EPHA2: variants seen among roughly 807,000 people sequenced by gnomAD.
The protein encoded by EPHA2 is EPH receptor A2.
A neutral mutation model predicts 104.9 loss-of-function variants in EPHA2; 54 were observed. That is an observed-to-expected ratio of 0.51 (90% confidence interval 0.41 to 0.65). The LOEUF is 0.65. Ranked by LOEUF, EPHA2 falls within the 30% of genes least tolerant of loss-of-function variation. EPHA2 has a pLI of 0.00. For missense variants in EPHA2, 1,117 were observed against 1,369.5 expected (o/e 0.82, Z 2.91); for synonymous variants, 560 against 559.1 (o/e 1.00, Z -0.02).
At chr1:16,153,704 T>C (rs890090095) in intron 1 of EPHA2, among the ~76,000 whole-genome samples, 8 of 152,168 alleles carry the variant, frequency 5.3e-5, no homozygotes, top group African/African-American at 1.9e-4. Flanking sequence ...TGGCTGTTGA[T>C]GACCTAACAG....
intron 3 of EPHA2, among the ~76,000 whole-genome samples, chr1:16,143,276 G>A (rs2024863506): frequency 6.6e-6 from 1 of 152,022 alleles, no homozygotes; most frequent in Non-Finnish European, 1.5e-5. Flanking sequence ...GGAAGAGTGA[G>A]TGGGAGAGAG....
At chr1:16,136,696 GA>G (rs1553135560) in intron 5 of EPHA2, among the ~76,000 whole-genome samples, 3 of 91,700 alleles carry the variant, frequency 3.3e-5, no homozygotes, top group African/African-American at 2.9e-4. Flanking sequence ...AGAAGAGGAA[GA>G]AGAAGAAGAA....
chr1:16,148,826 C>A lies in EPHA2; in HGVS notation c.375G>T (p.Glu125Asp), dbSNP rs1289019071. Reference protein sequence around the residue: ...CKETFNLYYAESDLDYGTNFQ... With the variant: ...CKETFNLYYADSDLDYGTNFQ... ...AGTTGGTGCCGTAGTCCAGGTCCGA[C>A]TCGGCATAGTAGAGGTTGAAAGTCT... Residue 125 changes from glutamate (E) to aspartate (D), a missense_variant, in exon 3 of 17, where the codon GAG (glutamate) becomes GAT (aspartate). Physicochemically the swap from Glu to Asp is conservative, Grantham distance 45. Transcript: ENST00000358432. The surrounding 1 kb of genome is among the most constrained non-coding windows in gnomAD (Gnocchi z 4.9). 1 of 1,614,042 alleles carries A rather than the reference C, an allele frequency of 6.2e-7. No individual in the cohort carries two copies. The highest frequency in any genetic ancestry group is 8.5e-7 in the Non-Finnish European group (1 of 1,180,056).
chr1:16,147,935 G>A (rs551831967), intron 3 of EPHA2, among the ~76,000 whole-genome samples: 6 of 150,972 alleles, frequency 4.0e-5, no homozygotes, highest in Non-Finnish European at 7.4e-5. Context: ...ACAGTGGTGC[G>A]ATCTCAGCTT....
Position 16,138,173 on chromosome 1 carries a change from G to A in EPHA2, c.992C>T (p.Ala331Val), listed in dbSNP as rs2124227896. The stretch of plus-strand genomic sequence containing the variant: ...GCCCACGGCTGTGAGGTAGTGTGGG[G>A]CGGAGGGGGGTCCTGCACAGACAGG... ...ASMPCTRPPS[A>V]PHYLTAVGMG... Residue 331 changes from alanine to valine, a missense_variant, in exon 5 of 17, where the codon GCC (alanine) becomes GTC (valine). Coordinates refer to ENST00000358432, the MANE Select transcript of EPHA2 (RefSeq NM_004431.5). 6.2e-7 allele frequency: 1 copy of A among 1,609,350 alleles called. No individual in the cohort carries two copies. Among genetic ancestry groups the A allele is most frequent in the Non-Finnish European group, 8.5e-7 (1 of 1,179,878 alleles).
In EPHA2 at chr1:16,133,880, T is replaced by A; in HGVS notation, c.1718A>T (p.Asp573Val). 1 of 1,550,344 alleles carries A rather than the reference T, an allele frequency of 6.5e-7. No homozygotes were observed. The highest frequency in any genetic ancestry group is 8.7e-7 in the Non-Finnish European group (1 of 1,146,256). Residue 573 changes from aspartate to valine, a missense_variant, in exon 9 of 17, where the codon GAC (aspartate) becomes GTC (valine). By Grantham distance (152) the Asp-to-Val change is radical. Coordinates refer to ENST00000358432, the MANE Select transcript of EPHA2 (RefSeq NM_004431.5). Reference sequence around the variant, plus strand: ...CTCACCTGACTTGGAGAAGTAAACGTCCTCCGGGGACTGGCGGGCACGCTG... The same window carrying A: ...CTCACCTGACTTGGAGAAGTAAACGACCTCCGGGGACTGGCGGGCACGCTG... ...KNQRARQSPE[D>V]VYFSKSEQLK...
intron 5 of EPHA2, 125 bp downstream of exon 5, chr1:16,137,728 C>A: frequency 8.6e-7 from 1 of 1,169,398 alleles, no homozygotes; most frequent in Non-Finnish European, 1.2e-6. Flanking sequence ...TTGCTCTAGA[C>A]ACTGTGCCTT....
chr1:16,135,017 C>T lies in EPHA2; in HGVS notation c.1582+19G>A, dbSNP rs2024653881. On this transcript the variant is annotated intron_variant, in intron 7 of 16. Coordinates refer to ENST00000358432, the MANE Select transcript of EPHA2 (RefSeq NM_004431.5). This position sits in a 1 kb window ranked among gnomAD's most constrained non-coding sequence, Gnocchi z 4.3. ...TTCTGGGCCCTGGCCTGGTCCATGC[C>T]CAGGGTCCCCCAACTCACACAGCGT... is the stretch of plus-strand genomic sequence containing the variant. 9.9e-6 allele frequency: 16 copies of T among 1,610,592 alleles called. No homozygotes were observed. Among genetic ancestry groups the T allele is most frequent in the Non-Finnish European group, 1.2e-5 (14 of 1,179,990 alleles).
At position 16,130,631 on chromosome 1, in the gene EPHA2, C is replaced by CTT. The variant is rs112874800; in HGVS notation, c.2476-214_2476-213dup. ...TGTGTCCAGAGTTCACTGGAAGGGACTTTTTTTTTTTTGACTGAGACAGGG... is the reference window on the plus strand; with the variant it reads ...TGTGTCCAGAGTTCACTGGAAGGGACTTTTTTTTTTTTTTGACTGAGACAGGG... On this transcript the variant is annotated intron_variant, in intron 14 of 16. Coordinates refer to ENST00000358432, the MANE Select transcript of EPHA2 (RefSeq NM_004431.5). The surrounding 1 kb of genome is among the most constrained non-coding windows in gnomAD (Gnocchi z 4.5). 6.9e-6 allele frequency among the ~76,000 whole-genome samples: 1 copy of CTT among 145,286 alleles called. No individual in the cohort carries two copies. The highest frequency in any genetic ancestry group is 2.5e-5 in the African/African-American group (1 of 39,726).
Position 16,135,309 on chromosome 1 carries a change from C to G in EPHA2, c.1429-120G>C. On this transcript the variant is annotated intron_variant, in intron 6 of 16. Coordinates refer to ENST00000358432, the MANE Select transcript of EPHA2 (RefSeq NM_004431.5). The surrounding 1 kb of genome is among the most constrained non-coding windows in gnomAD (Gnocchi z 4.3). ...CTTGCCTTTGTTAGCAAACTTGAGG[C>G]TCTTCTTACAGAGGAGGAAACTGAG... 1 of 1,335,640 alleles carries G rather than the reference C, an allele frequency of 7.5e-7. No individual in the cohort carries two copies. Among genetic ancestry groups the G allele is most frequent in the Admixed American group, 1.8e-5 (1 of 56,680 alleles). The allele number at this position is 1,335,640 out of a possible 1,614,324, so 82.7% of individuals were successfully genotyped here. A position where few individuals can be genotyped will look rare whatever the true frequency, so the allele number is the denominator to read the frequency against.
At chr1:16,152,279 T>C (rs1314047820) in intron 1 of EPHA2, among the ~76,000 whole-genome samples, 1 of 152,152 alleles carries the variant, frequency 6.6e-6, no homozygotes, top group East Asian at 1.9e-4. Flanking sequence ...TTTGTGGAGA[T>C]GGGAGCTGGG....
intron 2 of EPHA2, among the ~76,000 whole-genome samples, chr1:16,149,944 G>A (rs188027367): frequency 2.0e-4 from 31 of 152,332 alleles, no homozygotes; most frequent in Admixed American, 2.0e-3. Context: ...GAGGACAGAG[G>A]CCCGGGCTAT....
At chr1:16,126,105 G>A (rs1570391466) in intron 16 of EPHA2, among the ~76,000 whole-genome samples, 1 of 152,120 alleles carries the variant, frequency 6.6e-6, no homozygotes, top group Admixed American at 6.5e-5. Flanking sequence ...ACCAGCAGCC[G>A]AGGGGGAAGG....
At chr1:16,137,754 C>T (rs1165006116) in intron 5 of EPHA2, 99 bp downstream of exon 5, 3 of 1,437,334 alleles carry the variant, frequency 2.1e-6, no homozygotes, top group East Asian at 4.7e-5. Context: ...ACTTGCTCTG[C>T]TGCCTCTCTC....
rs745933990 is a variant in EPHA2 at position 16,129,499 on chromosome 1, C to T, written c.2760G>A (p.Gln920=). 1 of 1,613,920 alleles carries T rather than the reference C, an allele frequency of 6.2e-7. No individual in the cohort carries two copies. Among genetic ancestry groups the T allele is most frequent in the Non-Finnish European group, 8.5e-7 (1 of 1,180,024 alleles). The change falls in exon 16 of 17, where the codon CAG becomes CAA. Residue 920 remains glutamine, a synonymous_variant. Transcript: ENST00000358432. ...CGGCCGCCATGAAGTGCTCCGTATA[C>T]TGCTGCATCTTGATGGACTCCAGCC... is the stretch of plus-strand genomic sequence containing the variant. ...SEWLESIKMQ[Q]YTEHFMAAGY...
In EPHA2 at chr1:16,128,931, G is replaced by A. The variant is rs938827710; in HGVS notation, c.2825+503C>T. On this transcript the variant is annotated intron_variant, in intron 16 of 16. Coordinates refer to ENST00000358432, the MANE Select transcript of EPHA2 (RefSeq NM_004431.5). The surrounding 1 kb of genome is among the most constrained non-coding windows in gnomAD (Gnocchi z 4.7). ...CTGGCTGTGTGACCTCAGGCAAGCC[G>A]GTAACATCTCAGCCTGTTTCTCTAC... Among the ~76,000 whole-genome samples the A allele has an allele frequency of 4.6e-5, 7 of 151,924 alleles. No individual in the cohort carries two copies. Among genetic ancestry groups the A allele is most frequent in the African/African-American group, 9.7e-5 (4 of 41,360 alleles).
Position 16,129,737 on chromosome 1 carries a change from G to A in EPHA2, c.2670-148C>T, listed in dbSNP as rs2024539602. ...GCAACAGGGAAGCCCAGTCAAGTAG[G>A]GTTCAATGAGACCTCCTGGCACGTT... On this transcript the variant is annotated intron_variant, in intron 15 of 16. Coordinates refer to ENST00000358432, the MANE Select transcript of EPHA2 (RefSeq NM_004431.5). 2.8e-6 allele frequency: 3 copies of A among 1,074,836 alleles called. 1 individual carries two copies. The East Asian group carries it at 7.9e-5, about 28-fold the overall frequency. The allele number at this position is 1,074,836 out of a possible 1,614,324, so 66.6% of individuals were successfully genotyped here. A position where few individuals can be genotyped will look rare whatever the true frequency, so the allele number is the denominator to read the frequency against.
chr1:16,152,764 T>A (rs972640090), intron 1 of EPHA2, among the ~76,000 whole-genome samples: 1 of 152,166 alleles, frequency 6.6e-6, no homozygotes, highest in African/African-American at 2.4e-5. Context: ...TAACCTGGCA[T>A]GGAGGGCCCT....
chr1:16,146,215 G>A (rs1309433881), intron 3 of EPHA2, among the ~76,000 whole-genome samples: 1 of 152,212 alleles, frequency 6.6e-6, no homozygotes, highest in Non-Finnish European at 1.5e-5. Context: ...GCGATTGACA[G>A]GGTTCCACGA....
Sources: allele counts gnomAD v4.1 joint callset (sites outside exome capture counted in the v4.1 genomes callset), GRCh38; gene constraint gnomAD v4.1.1; non-coding constraint Gnocchi (gnomAD v3.1); transcripts MANE v1.5; gene names NCBI Gene and HGNC (gene_info 2026-07-23, HGNC 2026-07-21).